The following GALNT16 variants were observed in gnomAD, a reference collection of about 807,000 sequenced individuals.
GALNT16 encodes UDP-GalNAc:polypeptide N-acetylgalactosaminyltransferase-like protein 1.
In GALNT16, 40 loss-of-function variants were observed where a neutral mutation model predicts 76.1. That is an observed-to-expected ratio of 0.53 (90% CI 0.41 to 0.68). The LOEUF is 0.68. Among genes scored for constraint, GALNT16 ranks in the 30% least tolerant of loss-of-function variants. GALNT16 has a pLI of 0.00. For synonymous variants in GALNT16, 276 were observed against 285.2 expected, an observed-to-expected ratio of 0.97 and a Z score of 0.32; for missense variants, 621 against 731.9, an observed-to-expected ratio of 0.85 and a Z score of 1.75.
At chr14:69,369,107 A>T in the GALNT16 span, among the ~76,000 whole-genome samples, 1 of 152,218 alleles carries the variant, frequency 6.6e-6, no homozygotes, top group African/African-American at 2.4e-5. Context: ...ACTGATCGAG[A>T]GTCACCCTGA....
chr14:69,272,319 T>C (rs8016075), intron 1 of GALNT16, among the ~76,000 whole-genome samples: 112,062 of 152,038 alleles, frequency 0.74, 42,753 homozygotes, highest in East Asian at 1. Context: ...GCCAAGATCG[T>C]GCCACTGCAC....
chr14:69,356,041 A>G (rs2045690314), downstream of GALNT16: 1 of 152,258 alleles, frequency 6.6e-6, no homozygotes, highest in African/African-American at 2.4e-5. Context: ...ATTGCCAACA[A>G]TGTTCTCAGT....
intron 1 of GALNT16, among the ~76,000 whole-genome samples, chr14:69,313,591 G>A (rs948309070): frequency 1.4e-3 from 135 of 98,300 alleles, no homozygotes; most frequent in African/African-American, 3.4e-3. Flanking sequence ...CTTTCTCAGT[G>A]AAACCAGTAG....
At position 69,296,805 on chromosome 14, in the gene GALNT16, C is replaced by CTAGATAGA. The variant is rs71102640; in HGVS notation, c.178-23872_178-23865dup. Among the ~76,000 whole-genome samples the CTAGATAGA allele has an allele frequency of 2.1e-3, 315 of 148,186 alleles. 2 individuals carry two copies. Among genetic ancestry groups the CTAGATAGA allele is most frequent in the Middle Eastern group, 3.5e-3 (1 of 288 alleles). ...GATAGAGATAGACAGACAGATAGAG[C>CTAGATAGA]TAGATAGATAGATAGATAGATAGAT... On this transcript the variant is annotated intron_variant, in intron 1 of 14. Transcript: ENST00000448469.
chr14:69,313,897 G>A (rs939589608), intron 1 of GALNT16, among the ~76,000 whole-genome samples: 1 of 152,212 alleles, frequency 6.6e-6, no homozygotes, highest in Non-Finnish European at 1.5e-5. Context: ...TCCTGGGAAC[G>A]GGGTCAGAGG....
intron 1 of GALNT16, among the ~76,000 whole-genome samples, chr14:69,287,769 C>A (rs563098367): frequency 6.6e-6 from 1 of 152,210 alleles, no homozygotes; most frequent in Admixed American, 6.5e-5. Flanking sequence ...CACACTGCCT[C>A]TTGTGTTCAG....
At chr14:69,370,628 A>G in the GALNT16 span, among the ~76,000 whole-genome samples, 1 of 152,298 alleles carries the variant, frequency 6.6e-6, no homozygotes, top group South Asian at 2.1e-4. Flanking sequence ...TTATCAATTT[A>G]TGGCTAATCT....
intron 1 of GALNT16, among the ~76,000 whole-genome samples, chr14:69,289,705 C>T (rs1275261846): frequency 1.3e-5 from 2 of 152,078 alleles, no homozygotes; most frequent in Non-Finnish European, 2.9e-5. Context: ...CCAAAACAAA[C>T]GCTGTCCCCA....
Position 69,352,193 on chromosome 14 carries a change from C to T in GALNT16, c.*25C>T. 1 of 1,576,012 alleles carries T rather than the reference C, an allele frequency of 6.3e-7. No homozygotes were observed. The highest frequency in any genetic ancestry group is 8.6e-7 in the Non-Finnish European group (1 of 1,158,788). On this transcript the variant is annotated 3_prime_UTR_variant, in exon 15 of 15. Transcript: ENST00000448469. ...ACGGTAGCCCTGGGGCCTCCTGTAC[C>T]TTTTGCATGAGACTTCGGGACCGGA...
chr14:69,299,491 T>TC (rs2044817577), intron 1 of GALNT16, among the ~76,000 whole-genome samples: 1 of 152,140 alleles, frequency 6.6e-6, no homozygotes, highest in African/African-American at 2.4e-5. Flanking sequence ...GTGGCTGACC[T>TC]CCGGGGGTGC....
intron 7 of GALNT16, among the ~76,000 whole-genome samples, 178 bp from the exon 8 acceptor site, chr14:69,332,907 A>C (rs1404740081): frequency 1.4e-5 from 2 of 147,110 alleles, no homozygotes; most frequent in African/African-American, 5.1e-5. Flanking sequence ...CTTCTGTCTT[A>C]CCCAGTAGAT....
rs2045486372 is a variant in GALNT16, at chr14:69,341,585, G to C, written c.1188-96G>C. 24 of 765,460 alleles carry C rather than the reference G, an allele frequency of 3.1e-5. 1 individual carries two copies. In the South Asian group the frequency reaches 3.6e-4, roughly 12 times the overall value. 47.4% of individuals were successfully genotyped at this position (765,460 alleles called of 1,614,324 possible). A position where few individuals can be genotyped will look rare whatever the true frequency, so the allele number is the denominator to read the frequency against. On this transcript the variant is annotated intron_variant, in intron 11 of 14. Coordinates refer to ENST00000448469, the MANE Select transcript of GALNT16 (RefSeq NM_001168368.2). ...GAAGTCTCCTGGTCCTTGCCTGCCT[G>C]AGATAGTTGGGGCTGGGGGACAGGC...
chr14:69,324,961 T>A (rs559028537), intron 3 of GALNT16, among the ~76,000 whole-genome samples, 171 bp downstream of exon 3: 24 of 152,244 alleles, frequency 1.6e-4, no homozygotes, highest in African/African-American at 5.5e-4. Flanking sequence ...GAAGTCAAAC[T>A]GTTAGAGGAA....
intron 1 of GALNT16, among the ~76,000 whole-genome samples, chr14:69,282,453 C>T (rs78479726): frequency 6.6e-6 from 1 of 152,106 alleles, no homozygotes; most frequent in East Asian, 1.9e-4. Flanking sequence ...TGGTTGGCTC[C>T]TCTCTCCAGC....
chr14:69,335,199 G>A (rs1168246832), intron 9 of GALNT16, among the ~76,000 whole-genome samples: 1 of 152,222 alleles, frequency 6.6e-6, no homozygotes, highest in Non-Finnish European at 1.5e-5. Context: ...TCTCCCTGAT[G>A]AGGAAAATAG....
At chr14:69,300,944 G>A (rs897487308) in intron 1 of GALNT16, among the ~76,000 whole-genome samples, 3 of 152,238 alleles carry the variant, frequency 2.0e-5, no homozygotes, top group Non-Finnish European at 1.5e-5. Context: ...CAGAGTACAA[G>A]AAATTCTTCC....
the GALNT16 span, among the ~76,000 whole-genome samples, chr14:69,365,830 A>C: frequency 6.6e-6 from 1 of 152,062 alleles, no homozygotes; most frequent in Admixed American, 6.5e-5. Flanking sequence ...TAATGCAATA[A>C]ATACTTATCA....
intron 1 of GALNT16, among the ~76,000 whole-genome samples, chr14:69,282,179 G>A (rs935290997): frequency 5.3e-5 from 8 of 152,218 alleles, no homozygotes; most frequent in African/African-American, 1.9e-4. Flanking sequence ...CGCATCCCCT[G>A]GAGGCGATTC....
chr14:69,302,988 T>C (rs564644018), intron 1 of GALNT16, among the ~76,000 whole-genome samples: 1 of 152,338 alleles, frequency 6.6e-6, no homozygotes, highest in South Asian at 2.1e-4. Context: ...TCTCCCATTA[T>C]TGGACATTTA....
Sources: allele counts gnomAD v4.1 joint callset (sites outside exome capture counted in the v4.1 genomes callset), GRCh38; gene constraint gnomAD v4.1.1; transcripts MANE v1.5; gene names NCBI Gene and HGNC (gene_info 2026-07-23, HGNC 2026-07-21).